The following DPP6 variants were observed in gnomAD, a reference collection of about 807,000 sequenced individuals.
DPP6 encodes the protein dipeptidyl peptidase like 6.
In DPP6, 69 loss-of-function variants were observed where a neutral mutation model predicts 122.6. The ratio of observed to expected loss-of-function variants is 0.56; its 90% CI spans 0.46 to 0.69. The LOEUF (loss-of-function observed/expected upper bound fraction) is 0.69, where lower values mean the gene tolerates loss of function less well. DPP6 is among the 30% of genes least tolerant of loss of function. The pLI, the probability that DPP6 is intolerant of heterozygous loss-of-function variation, is 0.00. For synonymous variants in DPP6, 418 were observed against 433.1 expected (o/e 0.97, Z 0.43); for missense variants, 928 against 1,116.9 (o/e 0.83, Z 2.41).
chr7:153,828,614 C>T, the DPP6 span, among the ~76,000 whole-genome samples: 3 of 152,026 alleles, frequency 2.0e-5, no homozygotes, highest in East Asian at 5.8e-4. Context: ...GAGTATATTC[C>T]TGCGCAAAAT....
intron 1 of DPP6, among the ~76,000 whole-genome samples, chr7:154,438,176 A>G (rs1819027782): frequency 6.6e-6 from 1 of 152,098 alleles, no homozygotes; most frequent in South Asian, 2.1e-4. Flanking sequence ...AAAATGAAAT[A>G]TCTCCTAAAG....
At chr7:154,752,102 A>G (rs899779305) in intron 8 of DPP6, among the ~76,000 whole-genome samples, 2 of 152,172 alleles carry the variant, frequency 1.3e-5, no homozygotes, top group Non-Finnish European at 2.9e-5. Flanking sequence ...TTTTTCTCAT[A>G]TAGGGGCCTT....
chr7:153,933,700 CTCT>C (rs1801286449), intron 1 of DPP6, among the ~76,000 whole-genome samples: 1 of 151,820 alleles, frequency 6.6e-6, no homozygotes, highest in Admixed American at 6.6e-5. Context: ...CTCTCTCTCT[CTCT>C]CTCACACACA....
At chr7:153,776,942 C>T in the DPP6 span, among the ~76,000 whole-genome samples, 4 of 152,114 alleles carry the variant, frequency 2.6e-5, no homozygotes, top group Non-Finnish European at 5.9e-5. Context: ...TGAAAGAATA[C>T]AAAGACAGCC....
chr7:154,194,724 G>A (rs865903231), intron 1 of DPP6, among the ~76,000 whole-genome samples: 39 of 152,348 alleles, frequency 2.6e-4, no homozygotes, highest in Middle Eastern at 3.4e-3. Flanking sequence ...TGCCTAGTGA[G>A]AAATGTTGTT....
At chr7:154,056,833 T>C (rs1800861506) in intron 1 of DPP6, among the ~76,000 whole-genome samples, 1 of 152,232 alleles carries the variant, frequency 6.6e-6, no homozygotes, top group Admixed American at 6.5e-5. Context: ...TTAACTAGCT[T>C]CCCTCTACAA....
intron 3 of DPP6, among the ~76,000 whole-genome samples, chr7:154,482,245 T>A (rs931267871): frequency 2.6e-5 from 4 of 151,542 alleles, no homozygotes; most frequent in African/African-American, 9.7e-5. Flanking sequence ...GAGCCAGAGA[T>A]AAGATCAGAG....
At chr7:154,828,933 T>C (rs1033941768) in intron 16 of DPP6, among the ~76,000 whole-genome samples, 1 of 152,246 alleles carries the variant, frequency 6.6e-6, no homozygotes, top group Non-Finnish European at 1.5e-5. Context: ...TACAGTGCCC[T>C]GAACATCAAA....
At chr7:153,816,763 C>T in the DPP6 span, among the ~76,000 whole-genome samples, 1 of 152,048 alleles carries the variant, frequency 6.6e-6, no homozygotes, top group Non-Finnish European at 1.5e-5. Context: ...ACTAGGAATG[C>T]ACTCACTCCC....
chr7:154,865,824 T>C (rs1166189048), intron 17 of DPP6, among the ~76,000 whole-genome samples: 1 of 152,186 alleles, frequency 6.6e-6, no homozygotes, highest in Non-Finnish European at 1.5e-5. Flanking sequence ...GGAGAAAGAC[T>C]TGGGTAGAAA....
the DPP6 span, among the ~76,000 whole-genome samples, chr7:153,851,859 A>T: frequency 1.1e-4 from 17 of 152,306 alleles, 1 homozygote; most frequent in Admixed American, 9.8e-4. Flanking sequence ...GAGGAATTCC[A>T]AAGGGTAATT....
At chr7:154,594,827 G>C (rs1832995831) in intron 5 of DPP6, among the ~76,000 whole-genome samples, 1 of 152,142 alleles carries the variant, frequency 6.6e-6, no homozygotes, top group South Asian at 2.1e-4. Context: ...ACCTAGACCA[G>C]ACCCAGATCC....
At chr7:154,626,653 ACT>A (rs1835085789) in intron 5 of DPP6, among the ~76,000 whole-genome samples, 1 of 152,134 alleles carries the variant, frequency 6.6e-6, no homozygotes, top group Non-Finnish European at 1.5e-5. Context: ...CACCATTTCT[ACT>A]CTCTTAAATG....
At chr7:153,870,135 T>G in the DPP6 span, among the ~76,000 whole-genome samples, 17 of 152,232 alleles carry the variant, frequency 1.1e-4, 1 homozygote, top group Admixed American at 9.8e-4. Flanking sequence ...TGTCTTGGAG[T>G]TGCTCTTCTC....
chr7:153,999,360 C>A (rs1224943120), intron 1 of DPP6, among the ~76,000 whole-genome samples: 1 of 152,230 alleles, frequency 6.6e-6, no homozygotes, highest in Non-Finnish European at 1.5e-5. Context: ...AACCTGATAT[C>A]TAGAATTGTT....
intron 1 of DPP6, among the ~76,000 whole-genome samples, chr7:154,334,379 T>G (rs1809218810): frequency 6.6e-6 from 1 of 152,164 alleles, no homozygotes; most frequent in South Asian, 2.1e-4. Flanking sequence ...GTAATAGCTG[T>G]CTCCCCTCTT....
intron 1 of DPP6, chr7:153,968,640 G>A (rs1293932619): frequency 2.0e-5 from 3 of 151,526 alleles, no homozygotes; most frequent in South Asian, 2.1e-4. Flanking sequence ...AACCACTATT[G>A]TTTTAGTTTC....
In DPP6 at chr7:154,143,989, A is replaced by G. The variant is rs2150668120; in HGVS notation, c.243+90926A>G. On this transcript the variant is annotated intron_variant, in intron 1 of 25. Transcript: ENST00000377770. ...GAGGTGTGTTGGAGAATTATCTTTT[A>G]GAAAATTTATATCAGTTTATATTCT... is the stretch of plus-strand genomic sequence containing the variant. Among the ~76,000 whole-genome samples, 3 of 152,088 alleles carry G rather than the reference A, an allele frequency of 2.0e-5. No homozygotes were observed. In the South Asian group the frequency reaches 6.2e-4, roughly 32 times the overall value.
chr7:153,813,295 C>T, the DPP6 span, among the ~76,000 whole-genome samples: 144 of 151,476 alleles, frequency 9.5e-4, 2 homozygotes, highest in African/African-American at 2.1e-3. Context: ...TCTGTTCTTG[C>T]GATAGTTTAC....
Sources: gnomAD v4.1 joint callset for allele counts (sites outside exome capture counted in the v4.1 genomes callset) on GRCh38, gnomAD v4.1.1 for gene constraint, MANE v1.5 for transcripts, NCBI Gene and HGNC (gene_info 2026-07-23, HGNC 2026-07-21) for gene names.